Variants in WDR25 observed in about 807,000 individuals in gnomAD.
WDR25 encodes WD repeat domain 25.
In WDR25, 35 loss-of-function variants were observed where a neutral mutation model predicts 47.7. That is an observed-to-expected ratio of 0.73 (90% CI 0.56 to 0.97). The LOEUF is 0.97. Ranked by LOEUF, WDR25 falls within the 50% of genes least tolerant of loss-of-function variation. The pLI, the probability that WDR25 is intolerant of heterozygous loss-of-function variation, is 0.00. For missense variants in WDR25, 634 were observed against 704.7 expected (o/e 0.90, Z 1.14); for synonymous variants, 248 against 278.9 (o/e 0.89, Z 1.10).
chr14:100,481,604 C>T (rs1337290319), intron 3 of WDR25, among the ~76,000 whole-genome samples: 2 of 151,904 alleles, frequency 1.3e-5, no homozygotes, highest in African/African-American at 4.8e-5. Context: ...TAATACAAAG[C>T]ATGTTAAATG....
intron 2 of WDR25, among the ~76,000 whole-genome samples, chr14:100,450,103 C>T (rs1487269622): frequency 6.6e-6 from 1 of 152,228 alleles, no homozygotes. Context: ...CAAAAATCTG[C>T]TTATCACTTT....
intron 2 of WDR25, among the ~76,000 whole-genome samples, chr14:100,442,064 G>C (rs1389316913): frequency 6.6e-6 from 1 of 152,246 alleles, no homozygotes; most frequent in Non-Finnish European, 1.5e-5. Context: ...GCCAGGAGGA[G>C]CAGGAACATG....
At chr14:100,524,609 G>A (rs1485872739) in intron 4 of WDR25, among the ~76,000 whole-genome samples, 1 of 152,142 alleles carries the variant, frequency 6.6e-6, no homozygotes, top group Non-Finnish European at 1.5e-5. Flanking sequence ...CCCTGGTTGA[G>A]GGTTGCTTTG....
intron 2 of WDR25, among the ~76,000 whole-genome samples, chr14:100,411,763 G>A (rs943450956): frequency 6.6e-6 from 1 of 152,008 alleles, no homozygotes; most frequent in Non-Finnish European, 1.5e-5. Context: ...CTCAAACTCC[G>A]GACCTCAGGT....
chr14:100,480,631 ATC>A (rs1379223567), intron 3 of WDR25, among the ~76,000 whole-genome samples: 1 of 152,222 alleles, frequency 6.6e-6, no homozygotes, highest in Non-Finnish European at 1.5e-5. Context: ...GCCAAAAATG[ATC>A]TGTCACCTAT....
At chr14:100,510,242 C>A (rs1425382635) in intron 4 of WDR25, among the ~76,000 whole-genome samples, 1 of 150,558 alleles carries the variant, frequency 6.6e-6, no homozygotes, top group Non-Finnish European at 1.5e-5. Context: ...TGCACTCCAG[C>A]CTGGGTGACA....
intron 2 of WDR25, among the ~76,000 whole-genome samples, chr14:100,420,259 A>G (rs1897989023): frequency 6.6e-6 from 1 of 152,206 alleles, no homozygotes; most frequent in South Asian, 2.1e-4. Flanking sequence ...TTGGACCTCC[A>G]GGCCCACAGC....
chr14:100,389,055 G>T (rs1897081173), intron 2 of WDR25, among the ~76,000 whole-genome samples: 1 of 152,208 alleles, frequency 6.6e-6, no homozygotes, highest in Non-Finnish European at 1.5e-5. Flanking sequence ...TTAAAACTCG[G>T]AGACAGTAGA....
chr14:100,515,329 T>C (rs1044998445), intron 4 of WDR25, among the ~76,000 whole-genome samples: 7 of 152,332 alleles, frequency 4.6e-5, no homozygotes, highest in African/African-American at 1.7e-4. Context: ...CAATTTTGTT[T>C]GTCCCCGAAA....
At chr14:100,518,139 C>T (rs975129839) in intron 4 of WDR25, among the ~76,000 whole-genome samples, 3 of 152,198 alleles carry the variant, frequency 2.0e-5, no homozygotes, top group Non-Finnish European at 4.4e-5. Context: ...GAGGAACTTC[C>T]TTTAGCATTT....
At chr14:100,466,261 AT>A (rs1566923655) in intron 2 of WDR25, among the ~76,000 whole-genome samples, 1 of 152,140 alleles carries the variant, frequency 6.6e-6, no homozygotes, top group South Asian at 2.1e-4. Context: ...CTCTCTTCAC[AT>A]TTTTTGAAGG....
At chr14:100,463,259 A>C (rs1200608414) in intron 2 of WDR25, among the ~76,000 whole-genome samples, 7 of 152,018 alleles carry the variant, frequency 4.6e-5, no homozygotes, top group Admixed American at 1.3e-4. Context: ...TTTTAAACAT[A>C]CTCAAAATTA....
chr14:100,476,172 G>A (rs114445372), intron 3 of WDR25, among the ~76,000 whole-genome samples: 1 of 152,222 alleles, frequency 6.6e-6, no homozygotes, highest in East Asian at 1.9e-4. Context: ...CAGGGCTGGA[G>A]AGGATTGCTG....
chr14:100,392,165 G>A lies in WDR25; in HGVS notation c.822+10419G>A, dbSNP rs1009994617. 1.3e-5 allele frequency among the ~76,000 whole-genome samples: 2 copies of A among 152,024 alleles called. No individual in the cohort carries two copies. Among genetic ancestry groups the A allele is most frequent in the Non-Finnish European group, 2.9e-5 (2 of 68,032 alleles). ...TCCTCAGTTTTCACTTCTAATACGC[G>A]AAGTACCCATAGCTATAATCCGAAA... is the stretch of plus-strand genomic sequence containing the variant. On this transcript the variant is annotated intron_variant, in intron 2 of 6. Coordinates refer to ENST00000402312, the MANE Select transcript of WDR25 (RefSeq NM_001161476.3). The surrounding 1 kb of genome is among the most constrained non-coding windows in gnomAD (Gnocchi z 4.2).
intron 2 of WDR25, among the ~76,000 whole-genome samples, chr14:100,444,510 C>CA (rs1385926152): frequency 6.6e-6 from 1 of 152,008 alleles, no homozygotes; most frequent in African/African-American, 2.4e-5. Context: ...GCTACCTTTC[C>CA]ATGGACACGT....
intron 3 of WDR25, among the ~76,000 whole-genome samples, chr14:100,482,972 C>T (rs752486324): frequency 3.9e-5 from 6 of 152,274 alleles, no homozygotes; most frequent in East Asian, 3.9e-4. Flanking sequence ...GGCTGGGTGG[C>T]GTGGGGCAGC....
intron 2 of WDR25, among the ~76,000 whole-genome samples, chr14:100,409,912 CTTAGT>C: frequency 6.6e-6 from 1 of 152,296 alleles, no homozygotes; most frequent in East Asian, 1.9e-4. Flanking sequence ...AATTCTCATA[CTTAGT>C]TTATTAGATT....
rs1896894237 is a variant in WDR25, at chr14:100,381,467, A to G, written c.543A>G (p.Leu181=). The G allele has an allele frequency of 6.2e-7, 1 of 1,614,196 alleles. No individual in the cohort carries two copies. Among genetic ancestry groups the G allele is most frequent in the Non-Finnish European group, 8.5e-7 (1 of 1,180,040 alleles). ...TGGTACCCTATACTCCCAGAAGACT[A>G]AGACAGCGGCAGGCATTAAGCACGG... ...DCVVPYTPRR[L]RQRQALSTET... is the part of the protein sequence containing the mutation. Residue 181 remains leucine, a synonymous_variant, in exon 2 of 7, where the codon CTA becomes CTG. Coordinates refer to ENST00000402312, the MANE Select transcript of WDR25 (RefSeq NM_001161476.3).
chr14:100,390,426 T>TGTGTGTGTGTGC (rs1413707045), intron 2 of WDR25, among the ~76,000 whole-genome samples: 1,686 of 150,520 alleles, frequency 0.011, 13 homozygotes, highest in Middle Eastern at 0.021. Context: ...TGTGTGTGTG[T>TGTGTGTGTGTGC]GCATGCACAC....
Sources: allele counts gnomAD v4.1 joint callset (sites outside exome capture counted in the v4.1 genomes callset), GRCh38; gene constraint gnomAD v4.1.1; non-coding constraint Gnocchi (gnomAD v3.1); transcripts MANE v1.5; gene names NCBI Gene and HGNC (gene_info 2026-07-23, HGNC 2026-07-21).